MACROD2: variants seen among roughly 807,000 people sequenced by gnomAD.
MACROD2 encodes ADP-ribose glycohydrolase MACROD2.
In MACROD2, 36 loss-of-function variants were observed where a neutral mutation model predicts 70.4. The ratio of observed to expected loss-of-function variants is 0.51; its 90% CI spans 0.39 to 0.68. MACROD2 has a LOEUF of 0.68. MACROD2 is among the 30% of genes least tolerant of loss of function. The pLI, the probability that MACROD2 is intolerant of heterozygous loss-of-function variation, is 0.00. For synonymous variants in MACROD2, 172 were observed against 178.8 expected (o/e 0.96, Z 0.30); for missense variants, 496 against 538.4 (o/e 0.92, Z 0.78).
intron 6 of MACROD2, among the ~76,000 whole-genome samples, chr20:15,242,532 A>G (rs1327832086): frequency 6.6e-6 from 1 of 152,222 alleles, no homozygotes; most frequent in East Asian, 1.9e-4. Flanking sequence ...TTGGTGTTAT[A>G]GAATAACTTC....
chr20:15,199,994 G>T (rs1185135830), intron 5 of MACROD2, among the ~76,000 whole-genome samples: 1 of 152,168 alleles, frequency 6.6e-6, no homozygotes, highest in Non-Finnish European at 1.5e-5. Context: ...AACTCAGATT[G>T]TAGTTATTTT....
chr20:15,390,150 G>A (rs188338228), intron 6 of MACROD2, among the ~76,000 whole-genome samples: 10 of 152,250 alleles, frequency 6.6e-5, no homozygotes, highest in African/African-American at 2.2e-4. Flanking sequence ...TATACAAGTC[G>A]TCTCTGGAAG....
chr20:13,996,794 C>T (rs774018204), intron 1 of MACROD2, among the ~76,000 whole-genome samples: 1 of 152,210 alleles, frequency 6.6e-6, no homozygotes, highest in African/African-American at 2.4e-5. Flanking sequence ...ACTTCTTGCA[C>T]TCCTATTGCT....
intron 3 of MACROD2, among the ~76,000 whole-genome samples, chr20:14,467,998 T>C: frequency 6.6e-6 from 1 of 152,090 alleles, no homozygotes; most frequent in Admixed American, 6.5e-5. Flanking sequence ...TTTCTGTTCT[T>C]TTGCATTTAC....
At chr20:15,450,826 A>T (rs2046631136) in intron 7 of MACROD2, among the ~76,000 whole-genome samples, 1 of 152,150 alleles carries the variant, frequency 6.6e-6, no homozygotes. Flanking sequence ...GTTGTACCTC[A>T]GGTGCTTCTG....
intron 5 of MACROD2, among the ~76,000 whole-genome samples, chr20:15,173,941 T>C (rs2076441089): frequency 6.6e-6 from 1 of 152,172 alleles, no homozygotes; most frequent in Non-Finnish European, 1.5e-5. Context: ...AGATAAAATG[T>C]TTTGTTCATT....
intron 6 of MACROD2, among the ~76,000 whole-genome samples, chr20:15,376,913 CAG>C (rs2045570237): frequency 6.6e-6 from 1 of 152,090 alleles, no homozygotes; most frequent in East Asian, 1.9e-4. Context: ...TATTTTAAGA[CAG>C]AGTCTCACTC....
intron 2 of MACROD2, among the ~76,000 whole-genome samples, chr20:14,017,979 A>G (rs2053017649): frequency 6.6e-6 from 1 of 152,132 alleles, no homozygotes; most frequent in Non-Finnish European, 1.5e-5. Context: ...CTTACTAATT[A>G]TAGGTCTATT....
intron 5 of MACROD2, among the ~76,000 whole-genome samples, chr20:14,817,498 G>C (rs1344419807): frequency 1.3e-5 from 2 of 152,146 alleles, no homozygotes; most frequent in Non-Finnish European, 2.9e-5. Flanking sequence ...AGTTTATTTA[G>C]AACTGTATAT....
At chr20:14,483,589 A>G (rs1240706382) in intron 3 of MACROD2, among the ~76,000 whole-genome samples, 1 of 152,030 alleles carries the variant, frequency 6.6e-6, no homozygotes, top group Non-Finnish European at 1.5e-5. Context: ...TATTTTTAGT[A>G]GAGACAGGGT....
chr20:15,223,045 A>T (rs2076875137), intron 5 of MACROD2, among the ~76,000 whole-genome samples: 1 of 152,180 alleles, frequency 6.6e-6, no homozygotes, highest in African/African-American at 2.4e-5. Context: ...CAGGATAAAT[A>T]GGAGTGGGGG....
chr20:15,679,096 G>T (rs563251222), intron 8 of MACROD2, among the ~76,000 whole-genome samples: 1 of 152,090 alleles, frequency 6.6e-6, no homozygotes, highest in Non-Finnish European at 1.5e-5. Flanking sequence ...AATTAGCTGG[G>T]TGTAGTGGCA....
chr20:14,103,573 A>G (rs1211234643), intron 3 of MACROD2, among the ~76,000 whole-genome samples: 1 of 152,218 alleles, frequency 6.6e-6, no homozygotes, highest in Non-Finnish European at 1.5e-5. Flanking sequence ...CTAGAATAAC[A>G]GAACTTCATC....
Position 14,689,883 on chromosome 20 carries a change from T to C in MACROD2, c.418+4924T>C, listed in dbSNP as rs148518033. Among the ~76,000 whole-genome samples, 403 of 152,322 alleles carry C rather than the reference T, an allele frequency of 2.6e-3. 1 individual carries two copies. The highest frequency in any genetic ancestry group is 9.2e-3 in the African/African-American group (383 of 41,576). ...CTAGAGAAATATCTAACAAATGAAT[T>C]AGTTATTGAAAGTGTCAAACCTGGT... On this transcript the variant is annotated intron_variant, in intron 5 of 17. Transcript: ENST00000684519.
chr20:14,917,799 A>T (rs888144348), intron 5 of MACROD2, among the ~76,000 whole-genome samples: 2 of 152,092 alleles, frequency 1.3e-5, no homozygotes, highest in Non-Finnish European at 2.9e-5. Context: ...GTTGTCCTTT[A>T]GTTGGTGATT....
intron 3 of MACROD2, among the ~76,000 whole-genome samples, chr20:14,388,531 G>A (rs535312874): frequency 4.9e-4 from 74 of 152,180 alleles, no homozygotes; most frequent in African/African-American, 1.2e-3. Context: ...ATACTGTATC[G>A]TTGCAATAAA....
intron 3 of MACROD2, among the ~76,000 whole-genome samples, chr20:14,153,226 G>A (rs1054937822): frequency 5.9e-5 from 9 of 152,160 alleles, no homozygotes; most frequent in African/African-American, 2.2e-4. Flanking sequence ...TAGTAGTAAG[G>A]TGTGATTGCT....
In MACROD2 at chr20:14,028,847, C is replaced by T. The variant is rs567990463; in HGVS notation, c.163+26443C>T. ...GCTGCAGACCGGAGCTGTTCCTATT[C>T]GGCTGTCTTGCTCCAGAGCCCAATT... is the stretch of plus-strand genomic sequence containing the variant. On this transcript the variant is annotated intron_variant, in intron 2 of 17. Transcript: ENST00000684519. Among the ~76,000 whole-genome samples, 21 of 152,230 alleles carry T rather than the reference C, an allele frequency of 1.4e-4. No individual in the cohort carries two copies. In the South Asian group the frequency reaches 3.9e-3, roughly 29 times the overall value.
chr20:14,311,909 C>T (rs996565759), intron 3 of MACROD2, among the ~76,000 whole-genome samples: 2 of 152,108 alleles, frequency 1.3e-5, no homozygotes, highest in Non-Finnish European at 2.9e-5. Flanking sequence ...GGTTTCTTTT[C>T]CAATTAACCT....
Sources: gnomAD v4.1 joint callset for allele counts (sites outside exome capture counted in the v4.1 genomes callset) on GRCh38, gnomAD v4.1.1 for gene constraint, MANE v1.5 for transcripts, NCBI Gene and HGNC (gene_info 2026-07-23, HGNC 2026-07-21) for gene names.